The following ZNF710 variants were observed in gnomAD, a reference collection of about 807,000 sequenced individuals.
ZNF710 encodes zinc finger protein 710.
A neutral mutation model predicts 50.6 loss-of-function variants in ZNF710; 13 were observed. The ratio of observed to expected loss-of-function variants is 0.26; its 90% CI spans 0.17 to 0.41. The LOEUF is 0.41. Ranked by LOEUF, ZNF710 falls within the 10% of genes least tolerant of loss-of-function variation. ZNF710 has a pLI of 1.00. For missense variants in ZNF710, 721 were observed against 936.6 expected, an observed-to-expected ratio of 0.77 and a Z score of 3.01; for synonymous variants, 383 against 397.0, an observed-to-expected ratio of 0.96 and a Z score of 0.42.
upstream of ZNF710, among the ~76,000 whole-genome samples, chr15:90,000,622 G>A (rs1364188101): frequency 1.3e-5 from 2 of 152,250 alleles, no homozygotes; most frequent in Non-Finnish European, 2.9e-5. Context: ...TCTGCTAACA[G>A]CTGTTTAAAG....
At position 90,074,306 on chromosome 15, in the gene ZNF710, G is replaced by A. The variant is rs761763074; in HGVS notation, c.1825+16G>A. On this transcript the variant is annotated intron_variant, in intron 4 of 4. Transcript: ENST00000268154. The stretch of plus-strand genomic sequence containing the variant: ...GACAGCCAAGGTGGGTGGGCCAAGC[G>A]CAATGGACAGAGCAGGAATGATACC... 29 of 1,611,126 alleles carry A rather than the reference G, an allele frequency of 1.8e-5. No individual in the cohort carries two copies. Among genetic ancestry groups the A allele is most frequent in the Admixed American group, 1.0e-4 (6 of 59,998 alleles).
chr15:90,030,341 A>AAAAG (rs1898899815), intron 1 of ZNF710, among the ~76,000 whole-genome samples: 2 of 150,442 alleles, frequency 1.3e-5, no homozygotes, highest in African/African-American at 2.4e-5. Flanking sequence ...AAAAAAAAAA[A>AAAAG]AAAAAAAAAA....
chr15:90,074,101 G>C lies in ZNF710; in HGVS notation c.1651-15G>C. On this transcript the variant is annotated splice_polypyrimidine_tract_variant and intron_variant, in intron 3 of 4. Transcript: ENST00000268154. Reference sequence around the variant, plus strand: ...GTTCCCCACAGGCTCAGGACACCGGGTTGATGTGTTCTAGGTGTGCGGGAA... The same window carrying C: ...GTTCCCCACAGGCTCAGGACACCGGCTTGATGTGTTCTAGGTGTGCGGGAA... The C allele has an allele frequency of 6.2e-7, 1 of 1,606,628 alleles. No individual in the cohort carries two copies. Among genetic ancestry groups the C allele is most frequent in the South Asian group, 1.1e-5 (1 of 89,976 alleles).
chr15:90,004,418 G>T (rs1339321453), intron 1 of ZNF710, among the ~76,000 whole-genome samples: 1 of 152,198 alleles, frequency 6.6e-6, no homozygotes, highest in African/African-American at 2.4e-5. Context: ...CTGATGCTTG[G>T]CGCAGGCTCA....
At chr15:90,011,395 C>CA (rs1898300809) in intron 1 of ZNF710, among the ~76,000 whole-genome samples, 1 of 152,246 alleles carries the variant, frequency 6.6e-6, no homozygotes, top group Non-Finnish European at 1.5e-5. Context: ...AGGTGTGAGC[C>CA]ACCGTGCCTG....
rs1303032284 is a variant in ZNF710 at position 90,034,153 on chromosome 15, G to A, written c.-29+32539G>A. Among the ~76,000 whole-genome samples the A allele has an allele frequency of 1.3e-5, 2 of 151,920 alleles. No individual in the cohort carries two copies. The highest frequency in any genetic ancestry group is 2.1e-4 in the South Asian group (1 of 4,810). ...GCAGAGGTTGCAGTGAGCCGAGATCGCATCATTGTACTCCAGCCTGGGTGA... is the reference window on the plus strand; with the variant it reads ...GCAGAGGTTGCAGTGAGCCGAGATCACATCATTGTACTCCAGCCTGGGTGA... On this transcript the variant is annotated intron_variant, in intron 1 of 4. Transcript: ENST00000268154. The surrounding 1 kb of genome is among the most constrained non-coding windows in gnomAD (Gnocchi z 4.0).
At chr15:90,044,548 G>A (rs1899402623) in intron 1 of ZNF710, among the ~76,000 whole-genome samples, 1 of 152,206 alleles carries the variant, frequency 6.6e-6, no homozygotes. Flanking sequence ...CATCCTTTGT[G>A]ACAGGGACAC....
rs1445792089 is a variant in ZNF710, at chr15:90,034,222, G to T, written c.-29+32608G>T. 3.3e-5 allele frequency among the ~76,000 whole-genome samples: 5 copies of T among 151,832 alleles called. No homozygotes were observed. The highest frequency in any genetic ancestry group is 2.0e-4 in the Admixed American group (3 of 15,240). ...CAAAAAAAAAGAAAAGAAAAGAAAA[G>T]AAAAGAAAACAGGTGAACGACAGTC... On this transcript the variant is annotated intron_variant, in intron 1 of 4. Coordinates refer to ENST00000268154, the MANE Select transcript of ZNF710 (RefSeq NM_198526.4). This position sits in a 1 kb window ranked among gnomAD's most constrained non-coding sequence, Gnocchi z 4.0.
chr15:90,075,080 G>A (rs1246807015), intron 4 of ZNF710: 2 of 158,126 alleles, frequency 1.3e-5, no homozygotes, highest in African/African-American at 4.8e-5. Flanking sequence ...CTCCAGCAGT[G>A]GTCAGTACTT....
chr15:90,031,873 T>C (rs979378139), intron 1 of ZNF710, among the ~76,000 whole-genome samples: 6 of 152,220 alleles, frequency 3.9e-5, no homozygotes, highest in African/African-American at 1.4e-4. Context: ...AGCTATGAAC[T>C]GTTACAGTGG....
At chr15:90,064,897 C>T (rs1198769306) in intron 1 of ZNF710, among the ~76,000 whole-genome samples, 2 of 152,266 alleles carry the variant, frequency 1.3e-5, no homozygotes, top group East Asian at 1.9e-4. Context: ...GTTTTCATCC[C>T]CGTTTTTCAG....
intron 1 of ZNF710, among the ~76,000 whole-genome samples, chr15:90,031,126 A>G (rs1343578240): frequency 2.0e-5 from 3 of 152,038 alleles, no homozygotes; most frequent in Admixed American, 6.6e-5. Flanking sequence ...AAACATTTGA[A>G]TTGGAGGCTT....
rs943371786 is a variant in ZNF710, at chr15:90,074,005, A to AC, written c.1651-111_1651-110insC. The AC allele has an allele frequency of 3.0e-5, 37 of 1,224,386 alleles. 1 individual carries two copies. The highest frequency in any genetic ancestry group is 1.7e-4 in the African/African-American group (10 of 59,906). The allele number at this position is 1,224,386 out of a possible 1,614,324, so 75.8% of individuals were successfully genotyped here. A position where few individuals can be genotyped will look rare whatever the true frequency, so the allele number is the denominator to read the frequency against. On this transcript the variant is annotated intron_variant, in intron 3 of 4. Transcript: ENST00000268154. ...AGTCTGTCTCAAAAAAAAAACAAAA[A>AC]AAAAAAACAAAAGAATAGGATTCTG...
chr15:90,020,183 C>T (rs1212980043), intron 1 of ZNF710, among the ~76,000 whole-genome samples: 3 of 152,236 alleles, frequency 2.0e-5, no homozygotes, highest in African/African-American at 7.2e-5. Context: ...GCTCTTCCTC[C>T]TTTTCCGCTG....
Position 90,080,826 on chromosome 15 carries a change from A to G in ZNF710, c.*997A>G, listed in dbSNP as rs919589897. The G allele has an allele frequency of 1.3e-5, 2 of 152,232 alleles. No homozygotes were observed. The highest frequency in any genetic ancestry group is 6.5e-5 in the Admixed American group (1 of 15,286). 9.4% of individuals were successfully genotyped at this position (152,232 alleles called of 1,614,324 possible). On this transcript the variant is annotated 3_prime_UTR_variant, in exon 5 of 5. Transcript: ENST00000268154. ...AAAGTAAAGCCCACAGAGGGAAATC[A>G]AGGGTTTTTTTGAGCAAAGGGGGTC...
intron 1 of ZNF710, among the ~76,000 whole-genome samples, chr15:90,010,888 T>C (rs922450503): frequency 1.3e-5 from 2 of 151,808 alleles, no homozygotes; most frequent in African/African-American, 4.8e-5. Flanking sequence ...GTAGTTGGCC[T>C]TGAATTTGAA....
chr15:90,079,984 T>G lies in ZNF710; in HGVS notation c.*155T>G. On this transcript the variant is annotated 3_prime_UTR_variant, in exon 5 of 5. Coordinates refer to ENST00000268154, the MANE Select transcript of ZNF710 (RefSeq NM_198526.4). ...AGTCATTTGCACCACTAGGGACCTT[T>G]AGACCAAATGGAGACTGTACTACTG... is the stretch of plus-strand genomic sequence containing the variant. 1 of 674,918 alleles carries G rather than the reference T, an allele frequency of 1.5e-6. No homozygotes were observed. Among genetic ancestry groups the G allele is most frequent in the Non-Finnish European group, 2.3e-6 (1 of 433,578 alleles). The allele number at this position is 674,918 out of a possible 1,614,324, so 41.8% of individuals were successfully genotyped here.
intron 1 of ZNF710, among the ~76,000 whole-genome samples, chr15:90,008,451 T>TACACATATATATATATAC (rs1898207630): frequency 7.1e-6 from 1 of 140,570 alleles, no homozygotes; most frequent in African/African-American, 2.9e-5. Context: ...CATATATATA[T>TACACATATATATATATAC]ATGTATATAT....
intron 1 of ZNF710, among the ~76,000 whole-genome samples, chr15:90,027,846 G>GAA (rs11390221): frequency 2.1e-3 from 285 of 133,168 alleles, no homozygotes; most frequent in Non-Finnish European, 3.0e-3. Context: ...ACACTGTCTC[G>GAA]AAAAAAAAAA....
Sources: allele counts gnomAD v4.1 joint callset (sites outside exome capture counted in the v4.1 genomes callset), GRCh38; gene constraint gnomAD v4.1.1; non-coding constraint Gnocchi (gnomAD v3.1); transcripts MANE v1.5; gene names NCBI Gene and HGNC (gene_info 2026-07-23, HGNC 2026-07-21).